PTK7: variants seen among roughly 807,000 people sequenced by gnomAD.
The protein encoded by PTK7 is inactive tyrosine-protein kinase 7.
Under a neutral mutation model 116.6 loss-of-function variants are expected in PTK7, and 39 were observed. The ratio of observed to expected loss-of-function variants is 0.33; its 90% CI spans 0.26 to 0.44. PTK7 has a LOEUF of 0.44. Ranked by LOEUF, PTK7 falls within the 20% of genes least tolerant of loss-of-function variation. The pLI, the probability that PTK7 is intolerant of heterozygous loss-of-function variation, is 1.00. For missense variants in PTK7, 1,169 were observed against 1,425.6 expected (o/e 0.82, Z 2.90); for synonymous variants, 546 against 563.6 (o/e 0.97, Z 0.44).
chr6:43,108,499 A>AAATGATCCTCCCATCTCAGCCTCC (rs1768020173), intron 1 of PTK7, among the ~76,000 whole-genome samples: 1 of 151,206 alleles, frequency 6.6e-6, no homozygotes, highest in Non-Finnish European at 1.5e-5. Flanking sequence ...TCCTGGGTTC[A>AAATGATCCTCCCATCTCAGCCTCC]AATGATCCTC....
At chr6:43,122,127 A>T (rs1012248410) in intron 1 of PTK7, among the ~76,000 whole-genome samples, 2 of 152,174 alleles carry the variant, frequency 1.3e-5, no homozygotes, top group Non-Finnish European at 2.9e-5. Flanking sequence ...GGGGCGACAG[A>T]ATGAGACCCT....
Position 43,159,902 on chromosome 6 carries a change from G to T in PTK7, c.2988G>T (p.Met996Ile), listed in dbSNP as rs1771745089. 1 of 1,614,244 alleles carries T rather than the reference G, an allele frequency of 6.2e-7. No homozygotes were observed. The highest frequency in any genetic ancestry group is 8.5e-7 in the Non-Finnish European group (1 of 1,180,036). The change falls in exon 19 of 20, where the codon ATG becomes ATT. Residue 996 changes from methionine (M) to isoleucine (I), a missense_variant. This residue lies in a region of PTK7 where 678 missense variants were observed against 853.8 expected (regional missense o/e 0.79). Transcript: ENST00000230419. ...KSDVWAFGVLMWEVFTHGEMP... is the reference protein window; with the variant it reads ...KSDVWAFGVLIWEVFTHGEMP... ...ATGTCTGGGCCTTCGGTGTGCTGAT[G>T]TGGGAAGTGTTTACACATGGAGAGA...
Position 43,076,565 on chromosome 6 carries a change from G to C in PTK7, c.77G>C (p.Gly26Ala). 1 of 1,576,102 alleles carries C rather than the reference G, an allele frequency of 6.3e-7. No homozygotes were observed. ...AGCGTCCTGCTGCTGCCGCTGCTGG[G>C]CGGTGAGTACCCGAGAGTTGGGGGC... is the stretch of plus-strand genomic sequence containing the variant. ...LLSVLLLPLL[G>A]GTQTAIVFIK... The change falls in exon 1 of 20, where the codon GGC becomes GCC. Residue 26 changes from glycine to alanine, a missense_variant and splice_region_variant. Physicochemically the swap from Gly to Ala is moderately conservative, Grantham distance 60. Around this residue, in one of 3 missense-constraint regions of PTK7, gnomAD observed 487 missense variants for 549.8 expected, o/e 0.89. Transcript: ENST00000230419. The surrounding 1 kb of genome is among the most constrained non-coding windows in gnomAD (Gnocchi z 5.7).
chr6:43,096,483 C>G (rs975518756), intron 1 of PTK7, among the ~76,000 whole-genome samples: 21 of 152,090 alleles, frequency 1.4e-4, no homozygotes, highest in African/African-American at 4.3e-4. Flanking sequence ...ACCGGACAAG[C>G]CTTTGAGGTG....
chr6:43,158,872 T>G lies in PTK7; in HGVS notation c.2777T>G (p.Phe926Cys), dbSNP rs1396924374. The G allele has an allele frequency of 1.2e-6, 2 of 1,614,166 alleles. No homozygotes were observed. The highest frequency in any genetic ancestry group is 1.7e-5 in the Admixed American group (1 of 60,020). ...ATGGAGCACCTGTCCAACAACCGCT[T>G]TGTGCATAAGGACTTGGCTGCGCGT... ...LGMEHLSNNR[F>C]VHKDLAARNC... The change falls in exon 18 of 20, where the codon TTT becomes TGT. Residue 926 changes from phenylalanine to cysteine, a missense_variant. Transcript: ENST00000230419.
chr6:43,157,341 TATATATATATATATATATATATA>T (rs1170528022), intron 17 of PTK7, among the ~76,000 whole-genome samples: 295 of 11,892 alleles, frequency 0.025, 2 homozygotes, highest in Non-Finnish European at 0.03. Flanking sequence ...TATATATATA[TATATATATATATATATATATATA>T]TTTTTTTTTT....
intron 1 of PTK7, among the ~76,000 whole-genome samples, chr6:43,127,171 C>T (rs1048103342): frequency 1.1e-4 from 16 of 152,322 alleles, no homozygotes; most frequent in East Asian, 5.8e-4. Flanking sequence ...GAAAAGACTC[C>T]GTTAGTACCT....
In PTK7 at chr6:43,105,550, T is replaced by A. The variant is rs149148022; in HGVS notation, c.80-23427T>A. On this transcript the variant is annotated intron_variant, in intron 1 of 19. Coordinates refer to ENST00000230419, the MANE Select transcript of PTK7 (RefSeq NM_002821.5). ...TGTTGAAGTCCTAAGCCTCAGTACC[T>A]GTGAATATGACTTTATTTGGAATTA... 1.2e-3 allele frequency among the ~76,000 whole-genome samples: 178 copies of A among 151,822 alleles called. 1 individual carries two copies. The Middle Eastern group carries it at 0.024, about 20-fold the overall frequency.
intron 10 of PTK7, among the ~76,000 whole-genome samples, chr6:43,140,834 T>G (rs192361240): frequency 1.3e-3 from 196 of 152,196 alleles, no homozygotes; most frequent in Non-Finnish European, 1.2e-3. Flanking sequence ...TTTTTAAAAT[T>G]ATTTATTTTT....
Position 43,141,601 on chromosome 6 carries a change from TG to T in PTK7, c.1619-66del. 1 of 1,542,618 alleles carries T rather than the reference TG, an allele frequency of 6.5e-7. No homozygotes were observed. The highest frequency in any genetic ancestry group is 8.9e-7 in the Non-Finnish European group (1 of 1,128,506). Reference sequence around the variant, plus strand: ...GTGTTTTTGAGTAGAGGTGAGGGACTGAAGGCATTGCCAGCTGTCTGTGTAA... The same window carrying T: ...GTGTTTTTGAGTAGAGGTGAGGGACTAAGGCATTGCCAGCTGTCTGTGTAA... On this transcript the variant is annotated intron_variant, in intron 10 of 19. Transcript: ENST00000230419. The surrounding 1 kb of genome is among the most constrained non-coding windows in gnomAD (Gnocchi z 4.9).
chr6:43,156,937 A>G (rs1392783363), intron 17 of PTK7, among the ~76,000 whole-genome samples: 7 of 89,464 alleles, frequency 7.8e-5, no homozygotes, highest in South Asian at 6.0e-4. Context: ...CAATGTTGTG[A>G]AAAAAAAAAA....
At chr6:43,081,880 A>G (rs1239002865) in intron 1 of PTK7, among the ~76,000 whole-genome samples, 2 of 152,014 alleles carry the variant, frequency 1.3e-5, no homozygotes, top group African/African-American at 4.8e-5. Context: ...CGCCTGCTCT[A>G]CGGTGACCAA....
rs114155103 is a variant in PTK7, at chr6:43,111,263, C to T, written c.80-17714C>T. ...TCTGAACTTCACCAGCACAGGGTGG[C>T]ACCTCTTGAACTGTGGAGTCCCACG... On this transcript the variant is annotated intron_variant, in intron 1 of 19. Coordinates refer to ENST00000230419, the MANE Select transcript of PTK7 (RefSeq NM_002821.5). Among the ~76,000 whole-genome samples, 806 of 152,306 alleles carry T rather than the reference C, an allele frequency of 5.3e-3. 10 individuals are homozygous for T. Among genetic ancestry groups the T allele is most frequent in the African/African-American group, 0.018 (760 of 41,562 alleles).
chr6:43,157,322 C>T (rs1346727351), intron 17 of PTK7, among the ~76,000 whole-genome samples: 1 of 103,980 alleles, frequency 9.6e-6, no homozygotes, highest in African/African-American at 3.5e-5. Context: ...CACAGACACA[C>T]ACGCTATATA....
chr6:43,102,850 G>A (rs2150392539), intron 1 of PTK7, among the ~76,000 whole-genome samples: 1 of 152,266 alleles, frequency 6.6e-6, no homozygotes, highest in Middle Eastern at 3.4e-3. Flanking sequence ...AATATAGCCA[G>A]GTGGCGTGTA....
chr6:43,120,995 G>A (rs528334432), intron 1 of PTK7, among the ~76,000 whole-genome samples: 115 of 152,132 alleles, frequency 7.6e-4, no homozygotes, highest in African/African-American at 2.4e-3. Context: ...AGATGGGCGG[G>A]GTCCAGGTTC....
chr6:43,139,411 C>A lies in PTK7; in HGVS notation c.1504C>A (p.Leu502Ile), dbSNP rs780114586. ...CCCACCCTCTGCTGAAACAGAAAAGCTCAAGTTCACACCACCACCCCAGCC... is the reference window on the plus strand; with the variant it reads ...CCCACCCTCTGCTGAAACAGAAAAGATCAAGTTCACACCACCACCCCAGCC... ...AQARVQVLEKLKFTPPPQPQQ... is the reference protein window; with the variant it reads ...AQARVQVLEKIKFTPPPQPQQ... The change falls in exon 10 of 20, where the codon CTC (leucine) becomes ATC (isoleucine). Residue 502 changes from leucine to isoleucine, a missense_variant. Coordinates refer to ENST00000230419, the MANE Select transcript of PTK7 (RefSeq NM_002821.5). This position sits in a 1 kb window ranked among gnomAD's most constrained non-coding sequence, Gnocchi z 4.6. The A allele has an allele frequency of 1.2e-6, 2 of 1,614,218 alleles. No homozygotes were observed. Among genetic ancestry groups the A allele is most frequent in the Non-Finnish European group, 8.5e-7 (1 of 1,180,040 alleles).
At chr6:43,120,899 C>T (rs1029819174) in intron 1 of PTK7, among the ~76,000 whole-genome samples, 2 of 152,044 alleles carry the variant, frequency 1.3e-5, no homozygotes, top group Admixed American at 6.6e-5. Flanking sequence ...TCATTCATTG[C>T]TACTTCCTAA....
In PTK7 at chr6:43,130,350, G is replaced by A; in HGVS notation, c.591G>A (p.Leu197=). 6.2e-7 allele frequency: 1 copy of A among 1,612,434 alleles called. No individual in the cohort carries two copies. Among genetic ancestry groups the A allele is most frequent in the Non-Finnish European group, 8.5e-7 (1 of 1,179,114 alleles). Residue 197 remains leucine (L), a synonymous_variant, in exon 4 of 20, where the codon CTG becomes CTA. Transcript: ENST00000230419. ...LRPAGPEHSG[L]YSCCAHSAFG... ...CAGCTGGTCCTGAGCATAGTGGGCT[G>A]TATTCCTGCTGCGCCCACAGTGCTT...
Sources: gnomAD v4.1 joint callset for allele counts (sites outside exome capture counted in the v4.1 genomes callset) on GRCh38, gnomAD v4.1.1 for gene constraint, gnomAD v4.1.1 regional missense constraint, Gnocchi (gnomAD v3.1) non-coding constraint, MANE v1.5 for transcripts, NCBI Gene and HGNC (gene_info 2026-07-23, HGNC 2026-07-21) for gene names.